The following SUGCT variants were observed in gnomAD, a reference collection of about 807,000 sequenced individuals.
SUGCT encodes the protein succinyl-CoA:glutarate CoA-transferase.
SUGCT carries 41 observed loss-of-function variants against 55.0 expected under a neutral mutation model. The ratio of observed to expected loss-of-function variants is 0.74; its 90% CI spans 0.58 to 0.97. The LOEUF (loss-of-function observed/expected upper bound fraction) is 0.97. Among genes scored for constraint, SUGCT ranks in the 50% least tolerant of loss-of-function variants. The probability of loss-of-function intolerance (pLI) is 0.00; values close to 1 mark genes in which losing one functional copy is unlikely to be tolerated. For synonymous variants in SUGCT, 187 were observed against 200.4 expected (o/e 0.93, Z 0.56); for missense variants, 568 against 547.8 (o/e 1.04, Z -0.37).
At chr7:40,867,500 A>C in the SUGCT span, among the ~76,000 whole-genome samples, 1 of 152,274 alleles carries the variant, frequency 6.6e-6, no homozygotes, top group South Asian at 2.1e-4. Context: ...AAGAAGTATG[A>C]GAGATGTCTA....
the SUGCT span, among the ~76,000 whole-genome samples, chr7:40,963,660 G>A: frequency 4.6e-5 from 7 of 152,062 alleles, no homozygotes; most frequent in East Asian, 9.6e-4. Context: ...TAAATATGGG[G>A]GAATATTGCT....
chr7:40,604,530 G>C (rs1213854630), intron 12 of SUGCT, among the ~76,000 whole-genome samples: 1 of 152,066 alleles, frequency 6.6e-6, no homozygotes, highest in Non-Finnish European at 1.5e-5. Flanking sequence ...CCTTTTAATA[G>C]ACTAGTGATC....
At position 40,638,699 on chromosome 7, in the gene SUGCT, G is replaced by C. The variant is rs145695967; in HGVS notation, c.1090-110735G>C. On this transcript the variant is annotated intron_variant, in intron 12 of 13. Transcript: ENST00000335693. ...TATAGGGGCCAGTAAGGGAGGAAAGGAGCAGGGTGTATATTAGGAAAATGA... is the reference window on the plus strand; with the variant it reads ...TATAGGGGCCAGTAAGGGAGGAAAGCAGCAGGGTGTATATTAGGAAAATGA... 5.6e-4 allele frequency among the ~76,000 whole-genome samples: 85 copies of C among 152,260 alleles called. 1 individual carries two copies. Among genetic ancestry groups the C allele is most frequent in the African/African-American group, 1.9e-3 (80 of 41,532 alleles).
chr7:40,630,117 G>A (rs1562912232), intron 12 of SUGCT, among the ~76,000 whole-genome samples: 2 of 152,290 alleles, frequency 1.3e-5, no homozygotes, highest in South Asian at 2.1e-4. Context: ...GCGATCCTAC[G>A]CTTTGCGCCT....
chr7:40,241,018 A>G (rs1789345951), intron 7 of SUGCT, among the ~76,000 whole-genome samples: 1 of 152,200 alleles, frequency 6.6e-6, no homozygotes, highest in East Asian at 1.9e-4. Flanking sequence ...CTAATAAGGA[A>G]GTGGGGCCAA....
At chr7:40,781,274 C>T (rs1275655314) in intron 13 of SUGCT, among the ~76,000 whole-genome samples, 1 of 152,064 alleles carries the variant, frequency 6.6e-6, no homozygotes, top group Non-Finnish European at 1.5e-5. Context: ...TCTTACATTC[C>T]CTTGGAATTA....
At chr7:40,698,717 T>A (rs1785045695) in intron 12 of SUGCT, among the ~76,000 whole-genome samples, 1 of 152,204 alleles carries the variant, frequency 6.6e-6, no homozygotes, top group South Asian at 2.1e-4. Context: ...CATTTTACTA[T>A]CCACATAATT....
At chr7:41,010,078 G>T in the SUGCT span, among the ~76,000 whole-genome samples, 3 of 152,206 alleles carry the variant, frequency 2.0e-5, no homozygotes, top group African/African-American at 7.2e-5. Flanking sequence ...TCAAGAGGAA[G>T]CTTGCTCCCT....
intron 12 of SUGCT, among the ~76,000 whole-genome samples, chr7:40,528,311 T>C (rs1793910916): frequency 6.6e-6 from 1 of 152,208 alleles, no homozygotes; most frequent in South Asian, 2.1e-4. Context: ...CCATGTAGAT[T>C]GATGTTTAGG....
intron 11 of SUGCT, among the ~76,000 whole-genome samples, chr7:40,486,262 A>G (rs566438644): frequency 6.6e-6 from 1 of 152,262 alleles, no homozygotes; most frequent in Non-Finnish European, 1.5e-5. Flanking sequence ...ATGCTGGCAC[A>G]TGATTGTTTG....
intron 6 of SUGCT, among the ~76,000 whole-genome samples, chr7:40,234,271 A>C (rs1047410555): frequency 6.6e-6 from 1 of 152,198 alleles, no homozygotes; most frequent in African/African-American, 2.4e-5. Flanking sequence ...TTCACAGTGC[A>C]CAGGCCTTCC....
chr7:40,390,845 A>T (rs1025464765), intron 9 of SUGCT, among the ~76,000 whole-genome samples: 3 of 152,230 alleles, frequency 2.0e-5, no homozygotes, highest in African/African-American at 7.2e-5. Flanking sequence ...AAGCCAAAAG[A>T]ACAAAGCTGG....
chr7:40,987,660 G>T, the SUGCT span, among the ~76,000 whole-genome samples: 2 of 152,210 alleles, frequency 1.3e-5, no homozygotes, highest in Non-Finnish European at 2.9e-5. Context: ...AGGAAGCAAT[G>T]ATGAAGGAGG....
At chr7:40,248,888 G>GCGCACACACA (rs774950218) in intron 7 of SUGCT, among the ~76,000 whole-genome samples, 126 of 135,574 alleles carry the variant, frequency 9.3e-4, no homozygotes, top group African/African-American at 3.0e-3. Flanking sequence ...GCGCGCGCTC[G>GCGCACACACA]CACACACACA....
intron 12 of SUGCT, among the ~76,000 whole-genome samples, chr7:40,560,443 T>G (rs1337888706): frequency 6.6e-6 from 1 of 152,192 alleles, no homozygotes; most frequent in East Asian, 1.9e-4. Context: ...TTTCTCATTG[T>G]TACTTGCTTT....
chr7:40,217,437 C>T, intron 6 of SUGCT: 1 of 447,326 alleles, frequency 2.2e-6, no homozygotes, highest in South Asian at 1.6e-5. Context: ...GTCTTGATCT[C>T]CAAACCTCAA....
chr7:40,652,904 T>C (rs1025828741), intron 12 of SUGCT, among the ~76,000 whole-genome samples: 5 of 152,206 alleles, frequency 3.3e-5, no homozygotes, highest in Admixed American at 6.5e-5. Context: ...GAACCTCATG[T>C]CTGTTTTATT....
chr7:40,705,668 T>A (rs569003571), intron 12 of SUGCT, among the ~76,000 whole-genome samples: 2 of 152,308 alleles, frequency 1.3e-5, no homozygotes, highest in Non-Finnish European at 2.9e-5. Context: ...GAAGTAATAT[T>A]TAATTTTTAT....
rs140266761 is a variant in SUGCT at position 40,284,967 on chromosome 7, G to T, written c.720+10311G>T. Among the ~76,000 whole-genome samples, 932 of 152,242 alleles carry T rather than the reference G, an allele frequency of 6.1e-3. 8 individuals are homozygous for T. Among genetic ancestry groups the T allele is most frequent in the Non-Finnish European group, 0.011 (717 of 68,026 alleles). The stretch of plus-strand genomic sequence containing the variant: ...GAACATGCTCTGGTTCTGTATAACT[G>T]AAGTCATTAGTTATATTCATGGGCA... On this transcript the variant is annotated intron_variant, in intron 8 of 13. Coordinates refer to ENST00000335693, the MANE Select transcript of SUGCT (RefSeq NM_001193313.2).
Sources: allele counts gnomAD v4.1 joint callset (sites outside exome capture counted in the v4.1 genomes callset), GRCh38; gene constraint gnomAD v4.1.1; transcripts MANE v1.5; gene names NCBI Gene and HGNC (gene_info 2026-07-23, HGNC 2026-07-21).